The following CRYBB3 variants were observed in gnomAD, a reference collection of about 807,000 sequenced individuals.
CRYBB3 encodes the protein crystallin beta B3.
CRYBB3 carries 35 observed loss-of-function variants against 28.3 expected under a neutral mutation model. That is an observed-to-expected ratio of 1.24 (90% CI 0.95 to 1.64). The LOEUF (loss-of-function observed/expected upper bound fraction) is 1.64. Among genes scored for constraint, CRYBB3 ranks in the 40% most tolerant of loss-of-function variants. The pLI is 0.00. For missense variants in CRYBB3, 296 were observed against 297.4 expected (o/e 1.00, Z 0.04); for synonymous variants, 106 against 110.4 (o/e 0.96, Z 0.25).
intron 2 of CRYBB3, among the ~76,000 whole-genome samples, chr22:25,201,866 T>C (rs920959854): frequency 2.0e-5 from 3 of 152,160 alleles, no homozygotes; most frequent in African/African-American, 7.2e-5. Flanking sequence ...ATGAGGATGG[T>C]GCCCAGATAT....
chr22:25,201,345 G>A, intron 1 of CRYBB3, 32 bp from the exon 2 acceptor site: 1 of 1,609,290 alleles, frequency 6.2e-7, no homozygotes. Context: ...CTCCCGGGTG[G>A]ATCCAGTGAA....
At chr22:25,201,602 C>T (rs540238430) in intron 2 of CRYBB3, 131 bp downstream of exon 2, 89 of 1,432,994 alleles carry the variant, frequency 6.2e-5, no homozygotes, top group Admixed American at 5.5e-4. Flanking sequence ...CAAAACGCTC[C>T]GGGTGGGTCC....
intron 3 of CRYBB3, 64 bp downstream of exon 3, chr22:25,202,856 A>C: frequency 1.2e-6 from 2 of 1,600,814 alleles, no homozygotes; most frequent in Non-Finnish European, 1.7e-6. Context: ...TGGAGGCCCC[A>C]GTCTGAGCTC....
chr22:25,203,220 GTC>G (rs1249248005), intron 3 of CRYBB3, among the ~76,000 whole-genome samples: 1 of 152,154 alleles, frequency 6.6e-6, no homozygotes, highest in Non-Finnish European at 1.5e-5. Flanking sequence ...AGGCAGGCAG[GTC>G]TCCCAGCTGG....
At chr22:25,205,386 T>G in intron 5 of CRYBB3, 24 bp downstream of exon 5, 2 of 1,613,548 alleles carry the variant, frequency 1.2e-6, no homozygotes, top group Non-Finnish European at 1.7e-6. Flanking sequence ...CCCTCACCCT[T>G]GCCCCATCTT....
At chr22:25,206,094 GGTGGT>G (rs1394014210) in intron 5 of CRYBB3, among the ~76,000 whole-genome samples, 12 of 152,138 alleles carry the variant, frequency 7.9e-5, no homozygotes, top group Non-Finnish European at 1.6e-4. Context: ...GCTTTTTGTA[GGTGGT>G]TACATCTCAC....
Position 25,204,353 on chromosome 22 carries a change from C to T in CRYBB3, c.327+458C>T, listed in dbSNP as rs552368301. 3.3e-5 allele frequency among the ~76,000 whole-genome samples: 5 copies of T among 152,250 alleles called. No homozygotes were observed. The South Asian group carries it at 1.0e-3, about 32-fold the overall frequency. ...TTTATTTATTTTTCGAGACAGACTC[C>T]TGCTCTGTCACCCATGCTGGAGTGC... On this transcript the variant is annotated intron_variant, in intron 4 of 5. Transcript: ENST00000215855.
chr22:25,202,479 A>G lies in CRYBB3; in HGVS notation c.76-195A>G, dbSNP rs573427379. Among the ~76,000 whole-genome samples, 12 of 152,266 alleles carry G rather than the reference A, an allele frequency of 7.9e-5. No individual in the cohort carries two copies. The South Asian group carries it at 2.5e-3, about 32-fold the overall frequency. On this transcript the variant is annotated intron_variant, in intron 2 of 5. Transcript: ENST00000215855. ...CATCAGAGTTGCAATCACTAGTTTA[A>G]TTGGTCTCATTGAAGTTCCTGAAGG...
At position 25,205,344 on chromosome 22, in the gene CRYBB3, T is replaced by C. The variant is rs1240718613; in HGVS notation, c.452T>C (p.Val151Ala). ...AHGFQDRVASVRAINGTWVGY... is the reference protein window; with the variant it reads ...AHGFQDRVASARAINGTWVGY... The stretch of plus-strand genomic sequence containing the variant: ...GGCTTCCAGGACCGTGTGGCGAGTG[T>C]CCGTGCCATCAACGGGACGTAAGGG... Residue 151 changes from valine (V) to alanine (A), a missense_variant, in exon 5 of 6, where the codon GTC (valine) becomes GCC (alanine). By Grantham distance (64) the Val-to-Ala change is moderately conservative (BLOSUM62 0). Coordinates refer to ENST00000215855, the MANE Select transcript of CRYBB3 (RefSeq NM_004076.5). The C allele has an allele frequency of 6.2e-7, 1 of 1,614,134 alleles. No individual in the cohort carries two copies. The highest frequency in any genetic ancestry group is 8.5e-7 in the Non-Finnish European group (1 of 1,180,024).
Position 25,207,269 on chromosome 22 carries a change from G to C in CRYBB3, c.*57G>C. On this transcript the variant is annotated 3_prime_UTR_variant, in exon 6 of 6. Transcript: ENST00000215855. ...CCCTGGGGGGCTGCAAGGGCAAGAA[G>C]AGGAGGCTCCAGGGTTGGGGCGAGG... is the stretch of plus-strand genomic sequence containing the variant. 6.6e-7 allele frequency: 1 copy of C among 1,526,404 alleles called. No homozygotes were observed. The highest frequency in any genetic ancestry group is 8.9e-7 in the Non-Finnish European group (1 of 1,118,560). The allele number at this position is 1,526,404 out of a possible 1,614,324, so 94.6% of individuals were successfully genotyped here. A position where few individuals can be genotyped will look rare whatever the true frequency, so the allele number is the denominator to read the frequency against.
Position 25,207,243 on chromosome 22 carries a change from A to C in CRYBB3, c.*31A>C. On this transcript the variant is annotated 3_prime_UTR_variant, in exon 6 of 6. Coordinates refer to ENST00000215855, the MANE Select transcript of CRYBB3 (RefSeq NM_004076.5). ...ACCCAGACTTCAAGGACCCAGACCC[A>C]CCCTGGGGGGCTGCAAGGGCAAGAA... 1 of 1,597,808 alleles carries C rather than the reference A, an allele frequency of 6.3e-7. No homozygotes were observed. The highest frequency in any genetic ancestry group is 8.5e-7 in the Non-Finnish European group (1 of 1,170,918).
At chr22:25,200,465 GAGAA>G (rs1184002390) in intron 1 of CRYBB3, among the ~76,000 whole-genome samples, 1 of 152,028 alleles carries the variant, frequency 6.6e-6, no homozygotes, top group Non-Finnish European at 1.5e-5. Flanking sequence ...GAGAGAGAGA[GAGAA>G]AGAAGCTGTC....
intron 1 of CRYBB3, among the ~76,000 whole-genome samples, chr22:25,200,638 A>G (rs1165375955): frequency 2.0e-5 from 3 of 152,150 alleles, no homozygotes; most frequent in Non-Finnish European, 4.4e-5. Flanking sequence ...AGGGGCCTGT[A>G]TTGCGTGTCA....
chr22:25,204,707 C>T (rs752224023), intron 4 of CRYBB3, among the ~76,000 whole-genome samples: 6 of 152,300 alleles, frequency 3.9e-5, no homozygotes, highest in Non-Finnish European at 5.9e-5. Context: ...CCTGAGCCAC[C>T]ACGCCCGGCC....
At chr22:25,201,586 C>T in intron 2 of CRYBB3, 115 bp downstream of exon 2, 3 of 1,500,496 alleles carry the variant, frequency 2.0e-6, no homozygotes, top group Non-Finnish European at 2.7e-6. Flanking sequence ...ACCACCCAGG[C>T]CAGGACAAAA....
intron 1 of CRYBB3, among the ~76,000 whole-genome samples, chr22:25,200,523 AC>A (rs949735875): frequency 3.3e-4 from 50 of 152,140 alleles, no homozygotes; most frequent in African/African-American, 1.2e-3. Flanking sequence ...GACCATAGAA[AC>A]TTTTGCGAGT....
chr22:25,203,900 G>A lies in CRYBB3; in HGVS notation c.327+5G>A, dbSNP rs751605828. The A allele has an allele frequency of 6.8e-6, 11 of 1,614,050 alleles. No homozygotes were observed. Among genetic ancestry groups the A allele is most frequent in the Admixed American group, 3.3e-5 (2 of 60,016 alleles). On this transcript the variant is annotated splice_donor_5th_base_variant and intron_variant, in intron 4 of 5. Coordinates refer to ENST00000215855, the MANE Select transcript of CRYBB3 (RefSeq NM_004076.5). ...TCCCTCCGGCCTCTGAATATTGTGA[G>A]TGTGGTTCCTGCTCACTTCTGGGTG...
intron 4 of CRYBB3, among the ~76,000 whole-genome samples, chr22:25,204,749 C>T (rs1935001595): frequency 6.6e-6 from 1 of 152,212 alleles, no homozygotes; most frequent in South Asian, 2.1e-4. Context: ...ACCCTTCTCC[C>T]TCCCCTGCTT....
chr22:25,204,373 GA>G (rs918621271), intron 4 of CRYBB3, among the ~76,000 whole-genome samples: 1 of 151,872 alleles, frequency 6.6e-6, no homozygotes, highest in Non-Finnish European at 1.5e-5. Context: ...ACCCATGCTG[GA>G]GTGCAGTCTT....
Sources: gnomAD v4.1 joint callset for allele counts (sites outside exome capture counted in the v4.1 genomes callset) on GRCh38, gnomAD v4.1.1 for gene constraint, MANE v1.5 for transcripts, NCBI Gene and HGNC (gene_info 2026-07-23, HGNC 2026-07-21) for gene names.